Variants in TTC28 observed in about 807,000 individuals in gnomAD.
TTC28 encodes tetratricopeptide repeat protein 28.
A neutral mutation model predicts 198.0 loss-of-function variants in TTC28; 61 were observed. The ratio of observed to expected loss-of-function variants is 0.31; its 90% confidence interval spans 0.25 to 0.38. TTC28 has a LOEUF of 0.38. TTC28 is among the 10% of genes least tolerant of loss of function. The pLI, the probability that TTC28 is intolerant of heterozygous loss-of-function variation, is 1.00. For missense variants in TTC28, 2,678 were observed against 3,164.0 expected (o/e 0.85, Z 3.69); for synonymous variants, 1,171 against 1,297.8 (o/e 0.90, Z 2.10).
chr22:28,424,730 C>T (rs552883028), intron 2 of TTC28, among the ~76,000 whole-genome samples: 2 of 152,320 alleles, frequency 1.3e-5, no homozygotes, highest in South Asian at 2.1e-4. Context: ...TTTAGTCAAA[C>T]ATTTAGATCT....
rs1244724763 is a variant in TTC28, at chr22:28,101,274, C to T, written c.3314G>A (p.Arg1105Lys). ...QAVMYLQEGL[R>K]LAEQLGRRED... ...TCTTCGGCCCAGTTGCTCAGCTAAC[C>T]TTAAACCTGAAACCAGATAGAGAAA... Residue 1105 changes from arginine to lysine, a missense_variant, in exon 9 of 23, where the codon AGG (arginine) becomes AAG (lysine). Physicochemically the swap from Arg to Lys is conservative, Grantham distance 26 (BLOSUM62 2). Transcript: ENST00000397906. The T allele has an allele frequency of 7.7e-6, 12 of 1,551,326 alleles. No individual in the cohort carries two copies. The highest frequency in any genetic ancestry group is 1.0e-5 in the Non-Finnish European group (12 of 1,146,744).
chr22:28,421,933 CA>C (rs3884802), intron 2 of TTC28, among the ~76,000 whole-genome samples: 12,617 of 75,234 alleles, frequency 0.17, 429 homozygotes, highest in South Asian at 0.18. Flanking sequence ...GACTCCGTCT[CA>C]AAAAAAAAAA....
At chr22:28,590,708 C>G (rs964620967) in intron 2 of TTC28, among the ~76,000 whole-genome samples, 37 of 151,748 alleles carry the variant, frequency 2.4e-4, no homozygotes, top group Non-Finnish European at 4.0e-4. Context: ...TTAGTATGAT[C>G]GATGAACTTT....
intron 5 of TTC28, among the ~76,000 whole-genome samples, chr22:28,288,493 T>C (rs1247762729): frequency 1.3e-5 from 2 of 152,186 alleles, no homozygotes; most frequent in East Asian, 3.9e-4. Context: ...AAACAACTCA[T>C]GATTCCATCA....
At position 28,266,419 on chromosome 22, in the gene TTC28, A is replaced by G. The variant is rs1012965616; in HGVS notation, c.933+29779T>C. 2.6e-4 allele frequency among the ~76,000 whole-genome samples: 39 copies of G among 152,134 alleles called. 1 individual carries two copies. Among genetic ancestry groups the G allele is most frequent in the Non-Finnish European group, 1.5e-5 (1 of 68,008 alleles). On this transcript the variant is annotated intron_variant, in intron 5 of 22. Coordinates refer to ENST00000397906, the MANE Select transcript of TTC28 (RefSeq NM_001145418.2). ...TAATTAAGCCACCACACTGAGGTATAATGATTGCACTGATAACCCCAAATC... is the reference window on the plus strand; with the variant it reads ...TAATTAAGCCACCACACTGAGGTATGATGATTGCACTGATAACCCCAAATC...
intron 2 of TTC28, among the ~76,000 whole-genome samples, chr22:28,410,000 C>A (rs1276024380): frequency 6.6e-6 from 1 of 152,046 alleles, no homozygotes. Flanking sequence ...CAGTTCACTG[C>A]AATCTCCACC....
At chr22:28,362,819 A>G (rs987337287) in intron 2 of TTC28, among the ~76,000 whole-genome samples, 1 of 152,144 alleles carries the variant, frequency 6.6e-6, no homozygotes, top group African/African-American at 2.4e-5. Context: ...CTTAAGAGGG[A>G]TGATTTAGGG....
At chr22:28,298,408 G>T (rs184157398) in intron 3 of TTC28, among the ~76,000 whole-genome samples, 1 of 152,224 alleles carries the variant, frequency 6.6e-6, no homozygotes, top group East Asian at 1.9e-4. Flanking sequence ...CTCAGAAAAC[G>T]CATCATGAAC....
chr22:28,267,495 G>A (rs1407438962), intron 5 of TTC28, among the ~76,000 whole-genome samples: 2 of 152,146 alleles, frequency 1.3e-5, no homozygotes, highest in Non-Finnish European at 2.9e-5. Context: ...GGAATTTGGT[G>A]GGAGAAGGAC....
intron 13 of TTC28, among the ~76,000 whole-genome samples, chr22:28,015,228 G>A (rs1938318678): frequency 6.6e-6 from 1 of 152,154 alleles, no homozygotes; most frequent in Non-Finnish European, 1.5e-5. Context: ...AAGAGATACA[G>A]GAAGGGGAAA....
chr22:28,266,078 G>C (rs1380750396), intron 5 of TTC28, among the ~76,000 whole-genome samples: 1 of 151,656 alleles, frequency 6.6e-6, no homozygotes. Context: ...TACTCAGGAA[G>C]TTGAGGTAGG....
chr22:28,200,323 T>C (rs1032644986), intron 5 of TTC28, among the ~76,000 whole-genome samples: 1 of 152,162 alleles, frequency 6.6e-6, no homozygotes, highest in Non-Finnish European at 1.5e-5. Context: ...TGCTTACAAA[T>C]GGGAAATAAA....
intron 5 of TTC28, among the ~76,000 whole-genome samples, chr22:28,242,255 A>G (rs774738903): frequency 6.6e-6 from 1 of 152,178 alleles, no homozygotes; most frequent in Non-Finnish European, 1.5e-5. Flanking sequence ...ACACTTTACC[A>G]AGAGTCTGTT....
At chr22:28,117,827 G>GA (rs1479644578) in intron 6 of TTC28, among the ~76,000 whole-genome samples, 1 of 151,964 alleles carries the variant, frequency 6.6e-6, no homozygotes, top group African/African-American at 2.4e-5. Context: ...TAACAATTGT[G>GA]AAAAAAATAG....
intron 5 of TTC28, among the ~76,000 whole-genome samples, chr22:28,271,674 G>A (rs905017532): frequency 5.9e-5 from 9 of 151,986 alleles, no homozygotes; most frequent in Non-Finnish European, 1.0e-4. Flanking sequence ...GCATGATCTC[G>A]GCTCACTGCA....
chr22:28,069,042 CA>C (rs1345347147), intron 12 of TTC28, among the ~76,000 whole-genome samples: 1 of 152,004 alleles, frequency 6.6e-6, no homozygotes, highest in Non-Finnish European at 1.5e-5. Flanking sequence ...ACTCAGAGAC[CA>C]AAAGGAAGTT....
intron 5 of TTC28, among the ~76,000 whole-genome samples, chr22:28,166,225 G>A (rs1396299886): frequency 6.6e-6 from 1 of 152,112 alleles, no homozygotes; most frequent in Non-Finnish European, 1.5e-5. Flanking sequence ...CAATAATAAT[G>A]GGAGACTTTA....
intron 2 of TTC28, among the ~76,000 whole-genome samples, chr22:28,377,257 T>C (rs1475048077): frequency 1.3e-5 from 2 of 148,708 alleles, no homozygotes; most frequent in African/African-American, 4.9e-5. Context: ...TATTCTAAAG[T>C]TAAAAAAAAA....
chr22:28,026,733 A>G (rs959983278), intron 13 of TTC28, among the ~76,000 whole-genome samples: 6 of 152,104 alleles, frequency 3.9e-5, no homozygotes, highest in African/African-American at 1.2e-4. Context: ...CCTGTTGTGC[A>G]CCTCTCTTCA....
Sources: gnomAD v4.1 joint callset for allele counts (sites outside exome capture counted in the v4.1 genomes callset) on GRCh38, gnomAD v4.1.1 for gene constraint, MANE v1.5 for transcripts, NCBI Gene and HGNC (gene_info 2026-07-23, HGNC 2026-07-21) for gene names.